The following PRKG1 variants were observed in gnomAD, a reference collection of about 807,000 sequenced individuals.
The protein encoded by PRKG1 is protein kinase cGMP-dependent 1.
A neutral mutation model predicts 88.1 loss-of-function variants in PRKG1; 35 were observed. The observed-to-expected ratio is 0.40, with a 90% CI of 0.30 to 0.53. PRKG1 has a LOEUF of 0.53. Ranked by LOEUF, PRKG1 falls within the 20% of genes least tolerant of loss-of-function variation. PRKG1 has a pLI of 0.59. For synonymous variants in PRKG1, 303 were observed against 292.5 expected (o/e 1.04, Z -0.37); for missense variants, 540 against 839.8 (o/e 0.64, Z 4.41).
chr10:51,217,744 T>C (rs1179483853), intron 2 of PRKG1, among the ~76,000 whole-genome samples: 3 of 152,124 alleles, frequency 2.0e-5, no homozygotes, highest in Non-Finnish European at 4.4e-5. Context: ...CAGTTCTCTC[T>C]TTACCCCTTG....
intron 5 of PRKG1, among the ~76,000 whole-genome samples, chr10:51,953,515 T>C (rs1327943880): frequency 6.6e-6 from 1 of 152,172 alleles, no homozygotes; most frequent in Non-Finnish European, 1.5e-5. Flanking sequence ...AGGCTGTTAA[T>C]TGAGTGGTGA....
chr10:51,356,575 A>C (rs1842371150), intron 2 of PRKG1, among the ~76,000 whole-genome samples: 1 of 151,080 alleles, frequency 6.6e-6, no homozygotes, highest in Non-Finnish European at 1.5e-5. Flanking sequence ...TCCCTCCCCT[A>C]CTCTTTTTCC....
chr10:51,254,275 TA>T (rs1839500412), intron 2 of PRKG1, among the ~76,000 whole-genome samples: 1 of 152,022 alleles, frequency 6.6e-6, no homozygotes, highest in Admixed American at 6.6e-5. Context: ...TGTACACCTA[TA>T]AAGTGTTCTA....
At chr10:52,109,359 G>A (rs1389300734) in intron 7 of PRKG1, among the ~76,000 whole-genome samples, 2 of 152,106 alleles carry the variant, frequency 1.3e-5, no homozygotes, top group African/African-American at 4.8e-5. Context: ...TAAATCAAAG[G>A]CGTAAAACCA....
At chr10:51,198,229 T>C (rs1432546182) in intron 2 of PRKG1, among the ~76,000 whole-genome samples, 1 of 151,980 alleles carries the variant, frequency 6.6e-6, no homozygotes, top group African/African-American at 2.4e-5. Flanking sequence ...TCAACTGGAG[T>C]TTGTCATATC....
At chr10:51,191,058 G>A (rs1025341102) in intron 2 of PRKG1, among the ~76,000 whole-genome samples, 1 of 151,814 alleles carries the variant, frequency 6.6e-6, no homozygotes, top group African/African-American at 2.4e-5. Context: ...AAAATAGTAG[G>A]CTAAACTGTT....
At chr10:51,497,454 G>T (rs1840891486) in intron 3 of PRKG1, among the ~76,000 whole-genome samples, 1 of 152,088 alleles carries the variant, frequency 6.6e-6, no homozygotes, top group Non-Finnish European at 1.5e-5. Context: ...GAGAAAAAAA[G>T]ATTAATGAAA....
chr10:51,024,479 T>C (rs1843174981), intron 1 of PRKG1, among the ~76,000 whole-genome samples: 1 of 152,186 alleles, frequency 6.6e-6, no homozygotes, highest in South Asian at 2.1e-4. Flanking sequence ...TTGATGTTTA[T>C]AATAACCTAT....
At chr10:51,587,519 C>A (rs1209170222) in intron 3 of PRKG1, among the ~76,000 whole-genome samples, 1 of 152,152 alleles carries the variant, frequency 6.6e-6, no homozygotes, top group Non-Finnish European at 1.5e-5. Flanking sequence ...AGGTTTAAAG[C>A]AGTTTCCTCT....
intron 2 of PRKG1, among the ~76,000 whole-genome samples, chr10:51,257,811 G>T (rs1015227935): frequency 6.6e-6 from 1 of 152,070 alleles, no homozygotes; most frequent in African/African-American, 2.4e-5. Flanking sequence ...CTCTTCCCTA[G>T]AATCAGGGGC....
intron 1 of PRKG1, among the ~76,000 whole-genome samples, chr10:51,106,604 G>A (rs1422513500): frequency 6.6e-6 from 1 of 152,168 alleles, no homozygotes; most frequent in East Asian, 1.9e-4. Context: ...TTCAGCAGCA[G>A]AGACAGATAA....
chr10:51,737,366 A>T (rs943828581), intron 3 of PRKG1, among the ~76,000 whole-genome samples: 4 of 152,178 alleles, frequency 2.6e-5, no homozygotes, highest in Admixed American at 6.5e-5. Flanking sequence ...CTTTCAACCC[A>T]TCCTTCTTGA....
At chr10:51,105,836 T>C (rs865955682) in intron 1 of PRKG1, among the ~76,000 whole-genome samples, 1 of 152,266 alleles carries the variant, frequency 6.6e-6, no homozygotes. Context: ...TAAACTAAAC[T>C]TTGAATATGG....
intron 2 of PRKG1, among the ~76,000 whole-genome samples, chr10:51,335,162 A>G (rs1410367729): frequency 1.3e-5 from 2 of 151,450 alleles, no homozygotes; most frequent in Non-Finnish European, 2.9e-5. Context: ...ACAGGCGCCC[A>G]CCACCACGCC....
At chr10:51,082,878 C>T (rs1844148581) in intron 1 of PRKG1, among the ~76,000 whole-genome samples, 1 of 152,154 alleles carries the variant, frequency 6.6e-6, no homozygotes, top group Non-Finnish European at 1.5e-5. Flanking sequence ...AGCTTTAAAA[C>T]ATACATTTGC....
chr10:51,953,943 A>G (rs1259254875), intron 5 of PRKG1, among the ~76,000 whole-genome samples: 1 of 152,146 alleles, frequency 6.6e-6, no homozygotes, highest in Non-Finnish European at 1.5e-5. Flanking sequence ...ATTTCCACTG[A>G]GCAAAATGAG....
intron 9 of PRKG1, chr10:52,230,623 T>C (rs1240479023): frequency 6.6e-6 from 1 of 152,140 alleles, no homozygotes; most frequent in Non-Finnish European, 1.5e-5. Context: ...ACTGCCTCCT[T>C]TATGCATCTT....
intron 3 of PRKG1, among the ~76,000 whole-genome samples, chr10:51,699,812 T>C (rs1050320274): frequency 6.6e-6 from 1 of 152,214 alleles, no homozygotes; most frequent in Non-Finnish European, 1.5e-5. Context: ...TCCGCTGACT[T>C]TCTGTGGGGC....
intron 1 of PRKG1, among the ~76,000 whole-genome samples, chr10:51,121,049 A>T (rs1044068954): frequency 9.9e-5 from 15 of 152,214 alleles, no homozygotes; most frequent in African/African-American, 3.4e-4. Flanking sequence ...GCCCCATCCC[A>T]TCTTCAAAGC....
Sources: allele counts gnomAD v4.1 joint callset (sites outside exome capture counted in the v4.1 genomes callset), GRCh38; gene constraint gnomAD v4.1.1; transcripts MANE v1.5; gene names NCBI Gene and HGNC (gene_info 2026-07-23, HGNC 2026-07-21).